CREBL2: variants seen among roughly 807,000 people sequenced by gnomAD.
The protein encoded by CREBL2 is cAMP responsive element binding protein like 2.
In CREBL2, 4 loss-of-function variants were observed where a neutral mutation model predicts 19.5. That is an observed-to-expected ratio of 0.20 (90% CI 0.10 to 0.47). CREBL2 has a LOEUF of 0.47. Ranked by LOEUF, CREBL2 falls within the 20% of genes least tolerant of loss-of-function variation. The pLI is 0.98. For synonymous variants in CREBL2, 42 were observed against 46.6 expected (o/e 0.90, Z 0.40); for missense variants, 85 against 145.1 (o/e 0.59, Z 2.13).
intron 1 of CREBL2, among the ~76,000 whole-genome samples, chr12:12,632,286 T>C (rs967018229): frequency 1.6e-4 from 25 of 151,540 alleles, no homozygotes; most frequent in African/African-American, 5.6e-4. Flanking sequence ...ACCGTTTTAG[T>C]CAGGATGGTC....
Position 12,635,811 on chromosome 12 carries a change from G to A in CREBL2, c.50G>A (p.Arg17His), listed in dbSNP as rs1945470674. Residue 17 changes from arginine (R) to histidine (H), a missense_variant, in exon 2 of 4, where the codon CGT (arginine) becomes CAT (histidine). This residue lies in a region of CREBL2 where 5 missense variants were observed against 16.3 expected (regional missense o/e 0.31). Coordinates refer to ENST00000228865, the MANE Select transcript of CREBL2 (RefSeq NM_001310.4). The part of the protein sequence containing the change: ...VGGKVKKPGK[R>H]GRKPAKIDLK... The stretch of plus-strand genomic sequence containing the variant: ...GGCAAAGTAAAGAAGCCCGGTAAAC[G>A]TGGTCGGAAGCCAGCCAAAATTGAC... 6.2e-7 allele frequency: 1 copy of A among 1,613,104 alleles called. No homozygotes were observed. Among genetic ancestry groups the A allele is most frequent in the South Asian group, 1.1e-5 (1 of 90,906 alleles).
In CREBL2 at chr12:12,618,222, TCAC is replaced by T. The variant is rs1945328805; in HGVS notation, c.15+6036_15+6038del. Among the ~76,000 whole-genome samples, 3 of 149,772 alleles carry T rather than the reference TCAC, an allele frequency of 2.0e-5. No homozygotes were observed. The South Asian group carries it at 6.2e-4, about 31-fold the overall frequency. ...GGCGGCTGCCGGGCGGAGACGCTCC[TCAC>T]TTCCCAGACGGGGCGGCTGCCGGGC... On this transcript the variant is annotated intron_variant, in intron 1 of 3. Transcript: ENST00000228865.
At chr12:12,628,578 T>A (rs1433982673) in intron 1 of CREBL2, among the ~76,000 whole-genome samples, 1 of 152,178 alleles carries the variant, frequency 6.6e-6, no homozygotes, top group Non-Finnish European at 1.5e-5. Flanking sequence ...CCTCTAAGTT[T>A]TATAGTTTTA....
In CREBL2 at chr12:12,612,518, C is replaced by T. The variant is rs566790802; in HGVS notation, c.15+331C>T. On this transcript the variant is annotated intron_variant, in intron 1 of 3. Coordinates refer to ENST00000228865, the MANE Select transcript of CREBL2 (RefSeq NM_001310.4). Reference sequence around the variant, plus strand: ...CTTGCACTTTTTTGCTGCCTCCTCTCTCCAGTTTGGAGACTTTAGTGCACG... The same window carrying T: ...CTTGCACTTTTTTGCTGCCTCCTCTTTCCAGTTTGGAGACTTTAGTGCACG... Among the ~76,000 whole-genome samples, 224 of 152,314 alleles carry T rather than the reference C, an allele frequency of 1.5e-3. 1 individual carries two copies. Among genetic ancestry groups the T allele is most frequent in the Non-Finnish European group, 2.5e-3 (172 of 68,032 alleles).
intron 3 of CREBL2, among the ~76,000 whole-genome samples, chr12:12,641,774 C>G (rs1021483267): frequency 3.0e-4 from 45 of 152,158 alleles, no homozygotes; most frequent in Middle Eastern, 3.4e-3. Flanking sequence ...CCACTTCTAC[C>G]CCAAAAGCTA....
chr12:12,635,703 C>G (rs1270716286), intron 1 of CREBL2, 74 bp from the exon 2 acceptor site: 3 of 1,479,854 alleles, frequency 2.0e-6, no homozygotes, highest in Admixed American at 2.3e-5. Flanking sequence ...GTTCTCTTTG[C>G]TAATATGCAG....
At chr12:12,627,319 C>A (rs563676555) in intron 1 of CREBL2, among the ~76,000 whole-genome samples, 1 of 151,848 alleles carries the variant, frequency 6.6e-6, no homozygotes, top group Admixed American at 6.6e-5. Context: ...TTAATTTTCC[C>A]GTAAACCTAA....
rs1314326322 is a variant in CREBL2 at position 12,643,701 on chromosome 12, CTG to C, written c.*1707_*1708del. ...TCTAGTCTAGTCTAGTCATGTGTGA[CTG>C]TGTACTGAGATACCACTAGCCCAGT... On this transcript the variant is annotated 3_prime_UTR_variant, in exon 4 of 4. Transcript: ENST00000228865. The C allele has an allele frequency of 6.6e-6, 1 of 151,992 alleles. No homozygotes were observed. 9.4% of individuals were successfully genotyped at this position (151,992 alleles called of 1,614,324 possible).
intron 1 of CREBL2, among the ~76,000 whole-genome samples, chr12:12,618,025 T>A (rs919130668): frequency 2.0e-5 from 3 of 150,180 alleles, no homozygotes; most frequent in Admixed American, 1.3e-4. Flanking sequence ...GCAGAAGAAT[T>A]CTTCTTAGTA....
rs533355500 is a variant in CREBL2, at chr12:12,612,101, C to T, written c.-72C>T. 2.6e-4 allele frequency: 418 copies of T among 1,583,092 alleles called. 12 individuals are homozygous for T. In the South Asian group the frequency reaches 4.4e-3, roughly 17 times the overall value. On this transcript the variant is annotated 5_prime_UTR_variant, in exon 1 of 4. Coordinates refer to ENST00000228865, the MANE Select transcript of CREBL2 (RefSeq NM_001310.4). ...ATCCCCTTCTTCCTCGGGGCGGGGG[C>T]CGGGCCAGGCCGGCTGAGCCGGGGG... is the stretch of plus-strand genomic sequence containing the variant.
At chr12:12,622,797 G>A (rs564796871) in intron 1 of CREBL2, among the ~76,000 whole-genome samples, 2 of 151,842 alleles carry the variant, frequency 1.3e-5, no homozygotes, top group South Asian at 4.1e-4. Context: ...GTAAAGAGCA[G>A]TGGCTAGCCA....
chr12:12,619,852 C>T (rs1457318523), intron 1 of CREBL2, among the ~76,000 whole-genome samples: 1 of 152,148 alleles, frequency 6.6e-6, no homozygotes, highest in African/African-American at 2.4e-5. Context: ...CTGCCATTTC[C>T]CTCCACACTT....
chr12:12,627,780 T>C (rs1406989476), intron 1 of CREBL2, among the ~76,000 whole-genome samples: 16 of 152,252 alleles, frequency 1.1e-4, no homozygotes, highest in Admixed American at 7.8e-4. Flanking sequence ...ATGTTTAACT[T>C]TTTGAGGAAC....
At chr12:12,630,400 G>A (rs1395014453) in intron 1 of CREBL2, among the ~76,000 whole-genome samples, 1 of 151,918 alleles carries the variant, frequency 6.6e-6, no homozygotes, top group East Asian at 1.9e-4. Context: ...ATTTTTCCTA[G>A]TATTCCTTTG....
chr12:12,625,856 T>C (rs1353961134), intron 1 of CREBL2, among the ~76,000 whole-genome samples: 2 of 152,208 alleles, frequency 1.3e-5, no homozygotes, highest in Non-Finnish European at 2.9e-5. Context: ...TCCTATTGTT[T>C]TGTATTTATC....
At chr12:12,613,527 T>G (rs973557423) in intron 1 of CREBL2, among the ~76,000 whole-genome samples, 20 of 152,224 alleles carry the variant, frequency 1.3e-4, no homozygotes, top group African/African-American at 4.8e-4. Context: ...TTGTTTTCTC[T>G]TCCTCTTCAT....
In CREBL2 at chr12:12,643,451, G is replaced by A. The variant is rs2136309320; in HGVS notation, c.*1453G>A. 1 of 152,718 alleles carries A rather than the reference G, an allele frequency of 6.5e-6. No homozygotes were observed. The highest frequency in any genetic ancestry group is 2.4e-5 in the African/African-American group (1 of 41,574). The allele number at this position is 152,718 out of a possible 1,614,324, so 9.5% of individuals were successfully genotyped here. A position where few individuals can be genotyped will look rare whatever the true frequency, so the allele number is the denominator to read the frequency against. ...TTCACTTGAGTGAAGCAAATATTTA[G>A]CTTCCAAATAAAGTATATTTTGTTC... On this transcript the variant is annotated 3_prime_UTR_variant, in exon 4 of 4. Transcript: ENST00000228865.
At chr12:12,638,022 G>A (rs570785242) in intron 3 of CREBL2, among the ~76,000 whole-genome samples, 2 of 152,062 alleles carry the variant, frequency 1.3e-5, no homozygotes, top group East Asian at 3.9e-4. Flanking sequence ...CAAAAGGGGG[G>A]AACAAAAAGA....
chr12:12,637,617 A>C lies in CREBL2; in HGVS notation c.261A>C (p.Glu87Asp), dbSNP rs757806271. 62 of 1,610,696 alleles carry C rather than the reference A, an allele frequency of 3.8e-5. No homozygotes were observed. Among genetic ancestry groups the C allele is most frequent in the Admixed American group, 1.0e-4 (6 of 59,960 alleles). Residue 87 changes from glutamate (E) to aspartate (D), a missense_variant, in exon 3 of 4, where the codon GAA (glutamate) becomes GAC (aspartate). Glu to Asp is a conservative substitution (Grantham distance 45). Coordinates refer to ENST00000228865, the MANE Select transcript of CREBL2 (RefSeq NM_001310.4). ...TGGACCAAGGAAAAATCCCTTCTGA[A>C]ATAAAGGCCCTACTCACTGGAGAAG... The part of the protein sequence containing the change: ...MAMDQGKIPS[E>D]IKALLTGEEQ...
Sources: allele counts gnomAD v4.1 joint callset (sites outside exome capture counted in the v4.1 genomes callset), GRCh38; gene constraint gnomAD v4.1.1; regional missense constraint gnomAD v4.1.1; transcripts MANE v1.5; gene names NCBI Gene and HGNC (gene_info 2026-07-23, HGNC 2026-07-21).